The following MARCHF8 variants were observed in gnomAD, a reference collection of about 807,000 sequenced individuals.
MARCHF8 encodes the protein membrane associated ring-CH-type finger 8.
In MARCHF8, 40 loss-of-function variants were observed where a neutral mutation model predicts 51.6. The ratio of observed to expected loss-of-function variants is 0.77; its 90% CI spans 0.60 to 1.01. The LOEUF (loss-of-function observed/expected upper bound fraction) is 1.01, where lower values mean the gene tolerates loss of function less well. Ranked by LOEUF, MARCHF8 falls within the 50% of genes least tolerant of loss-of-function variation. The probability of loss-of-function intolerance (pLI) is 0.00; values close to 1 mark genes in which losing one functional copy is unlikely to be tolerated. For missense variants in MARCHF8, 685 were observed against 708.6 expected (o/e 0.97, Z 0.38); for synonymous variants, 263 against 280.3 (o/e 0.94, Z 0.62).
At position 45,458,364 on chromosome 10, in the gene MARCHF8, C is replaced by CA; in HGVS notation, c.1596dup (p.Glu533Ter). On this transcript the variant is annotated frameshift_variant, in exon 8 of 8. Transcript: ENST00000453424. LOFTEE classifies it high-confidence loss of function. ...TTGGGCTCTGTTAGTGGAGATTTTTCAAAAATATTCTTTTTGCTTGTTTCT... is the reference window on the plus strand; with the variant it reads ...TTGGGCTCTGTTAGTGGAGATTTTTCAAAAAATATTCTTTTTGCTTGTTTCT... The CA allele has an allele frequency of 6.2e-7, 1 of 1,614,044 alleles. No individual in the cohort carries two copies. The highest frequency in any genetic ancestry group is 8.5e-7 in the Non-Finnish European group (1 of 1,180,004).
chr10:45,588,164 TAA>T (rs199851448), intron 1 of MARCHF8, among the ~76,000 whole-genome samples: 9 of 131,704 alleles, frequency 6.8e-5, no homozygotes, highest in Non-Finnish European at 6.7e-5. Context: ...TTGTCAAAAG[TAA>T]AAAAAAAAAA....
intron 2 of MARCHF8, among the ~76,000 whole-genome samples, chr10:45,514,976 A>C (rs866927166): frequency 1.1e-4 from 16 of 152,134 alleles, no homozygotes; most frequent in African/African-American, 3.4e-4. Flanking sequence ...GTTCCTGCAG[A>C]CCATCATCAC....
At chr10:45,525,399 T>C (rs780725762) in intron 2 of MARCHF8, among the ~76,000 whole-genome samples, 11 of 152,218 alleles carry the variant, frequency 7.2e-5, no homozygotes, top group Non-Finnish European at 1.5e-4. Context: ...AATCCTGGGA[T>C]ACAGATCATT....
At chr10:45,466,235 C>T (rs1475455960) in intron 3 of MARCHF8, among the ~76,000 whole-genome samples, 1 of 152,218 alleles carries the variant, frequency 6.6e-6, no homozygotes. Flanking sequence ...CAAACTCCTA[C>T]AGTCCCCCTG....
rs115246364 is a variant in MARCHF8, at chr10:45,542,559, C to G, written c.-78-9270G>C. On this transcript the variant is annotated intron_variant, in intron 1 of 6. Transcript: ENST00000319836. ...AATTTATAGTATATGTAGCAGAGTA[C>G]TGTAGCAGACTACTTTCCTAAAAAC... Among the ~76,000 whole-genome samples the G allele has an allele frequency of 6.7e-3, 1,021 of 152,168 alleles. 9 individuals carry two copies. Among genetic ancestry groups the G allele is most frequent in the African/African-American group, 0.023 (972 of 41,506 alleles).
intron 1 of MARCHF8, among the ~76,000 whole-genome samples, chr10:45,552,808 G>A (rs1340798379): frequency 1.3e-5 from 2 of 152,110 alleles, no homozygotes; most frequent in African/African-American, 4.8e-5. Flanking sequence ...CAGTTGAATT[G>A]TGCACATTAT....
At chr10:45,579,907 G>A (rs1238575868) in intron 1 of MARCHF8, among the ~76,000 whole-genome samples, 1 of 150,940 alleles carries the variant, frequency 6.6e-6, no homozygotes, top group Non-Finnish European at 1.5e-5. Flanking sequence ...CAGCTACTCG[G>A]GAGGCTGAGA....
In MARCHF8 at chr10:45,464,188, C is replaced by G. The variant is rs572133708; in HGVS notation, c.242+51G>C. Reference sequence around the variant, plus strand: ...ATTCAAGAACCTACAGACACTAATGCTTATTTCTGGCTGCACACTGATCAT... The same window carrying G: ...ATTCAAGAACCTACAGACACTAATGGTTATTTCTGGCTGCACACTGATCAT... On this transcript the variant is annotated intron_variant, in intron 4 of 7. Transcript: ENST00000453424. 773 of 1,590,636 alleles carry G rather than the reference C, an allele frequency of 4.9e-4. 12 individuals carry two copies. In the South Asian group the frequency reaches 8.1e-3, roughly 17 times the overall value.
intron 1 of MARCHF8, among the ~76,000 whole-genome samples, chr10:45,583,471 T>C (rs2044578018): frequency 6.6e-6 from 1 of 152,152 alleles, no homozygotes; most frequent in African/African-American, 2.4e-5. Context: ...AAATATCAAC[T>C]AACAGGGGAA....
At chr10:45,500,860 G>GTT (rs2043266163) in intron 2 of MARCHF8, among the ~76,000 whole-genome samples, 11 of 151,090 alleles carry the variant, frequency 7.3e-5, no homozygotes, top group South Asian at 4.2e-4. Context: ...TAACTGCATT[G>GTT]CTATATATAT....
intron 1 of MARCHF8, among the ~76,000 whole-genome samples, chr10:45,575,408 C>A (rs1428846860): frequency 6.6e-6 from 1 of 152,178 alleles, no homozygotes; most frequent in East Asian, 1.9e-4. Flanking sequence ...CTTTTAATAC[C>A]TGTTTTTCTC....
chr10:45,588,943 G>C (rs1422075595), intron 1 of MARCHF8, among the ~76,000 whole-genome samples: 1 of 138,940 alleles, frequency 7.2e-6, no homozygotes, highest in Non-Finnish European at 1.5e-5. Flanking sequence ...AGCTTGCAGT[G>C]AGCCAAGATC....
chr10:45,546,327 A>AT (rs2044121561), intron 1 of MARCHF8, among the ~76,000 whole-genome samples: 1 of 151,544 alleles, frequency 6.6e-6, no homozygotes, highest in Non-Finnish European at 1.5e-5. Context: ...CTCCTGTCTA[A>AT]TTTTTTTGTA....
intron 2 of MARCHF8, among the ~76,000 whole-genome samples, chr10:45,511,821 G>A (rs574366236): frequency 5.3e-5 from 8 of 151,770 alleles, no homozygotes; most frequent in African/African-American, 1.7e-4. Context: ...GCCTCTGCCC[G>A]GCCGCCACCC....
At chr10:45,590,021 T>C (rs1323003459) in intron 1 of MARCHF8, among the ~76,000 whole-genome samples, 1 of 152,260 alleles carries the variant, frequency 6.6e-6, no homozygotes, top group East Asian at 1.9e-4. Context: ...CCAGTTTACA[T>C]TCCAACATGT....
intron 1 of MARCHF8, among the ~76,000 whole-genome samples, chr10:45,546,306 G>A (rs562277691): frequency 7.2e-4 from 110 of 152,004 alleles, no homozygotes; most frequent in African/African-American, 2.4e-3. Context: ...GATTACAGGT[G>A]CACGCCACCA....
intron 3 of MARCHF8, among the ~76,000 whole-genome samples, chr10:45,466,023 C>G (rs1842956929): frequency 6.6e-6 from 1 of 152,220 alleles, no homozygotes; most frequent in Non-Finnish European, 1.5e-5. Flanking sequence ...TCCCTTGCAT[C>G]TTCTAGGCCT....
At chr10:45,565,467 T>C (rs751456568) in intron 1 of MARCHF8, among the ~76,000 whole-genome samples, 6 of 151,718 alleles carry the variant, frequency 4.0e-5, no homozygotes, top group Non-Finnish European at 8.8e-5. Flanking sequence ...ATGACAACAA[T>C]AGCACAATGA....
chr10:45,461,402 G>C lies in MARCHF8; in HGVS notation c.1098C>G (p.His366Gln). ...STSGDVCRIC[H>Q]CEGDDESPLI... The stretch of plus-strand genomic sequence containing the variant: ...GGGGGCTCTCATCATCTCCTTCACA[G>C]TGGCAGATCCTATGGTGGAAGGAAA... The change falls in exon 6 of 8, where the codon CAC becomes CAG. Residue 366 changes from histidine to glutamine, a missense_variant. Transcript: ENST00000453424. 1 of 1,573,384 alleles carries C rather than the reference G, an allele frequency of 6.4e-7. No homozygotes were observed. The highest frequency in any genetic ancestry group is 8.6e-7 in the Non-Finnish European group (1 of 1,162,262).
Sources: gnomAD v4.1 joint callset for allele counts (sites outside exome capture counted in the v4.1 genomes callset) on GRCh38, gnomAD v4.1.1 for gene constraint, MANE v1.5 for transcripts, NCBI Gene and HGNC (gene_info 2026-07-23, HGNC 2026-07-21) for gene names.